CUL7: variants seen among roughly 807,000 people sequenced by gnomAD.
CUL7 encodes the protein cullin 7, also known as cullin-7.
A neutral mutation model predicts 177.7 loss-of-function variants in CUL7; 96 were observed. The ratio of observed to expected loss-of-function variants is 0.54; its 90% CI spans 0.46 to 0.64. The LOEUF is 0.64. CUL7 is among the 30% of genes least tolerant of loss of function. The pLI is 0.00. For synonymous variants in CUL7, 824 were observed against 890.2 expected (o/e 0.93, Z 1.32); for missense variants, 1,893 against 2,187.9 (o/e 0.87, Z 2.69).
At position 43,045,298 on chromosome 6, in the gene CUL7, G is replaced by A; in HGVS notation, c.2967C>T (p.Tyr989=). 1 of 1,614,238 alleles carries A rather than the reference G, an allele frequency of 6.2e-7. No homozygotes were observed. The highest frequency in any genetic ancestry group is 8.5e-7 in the Non-Finnish European group (1 of 1,180,044). Reference sequence around the variant, plus strand: ...GGCTCCAGGCCTGTGCCCGAACCATGTAGAAGAGGCGTGTGTGACGACAGA... The same window carrying A: ...GGCTCCAGGCCTGTGCCCGAACCATATAGAAGAGGCGTGTGTGACGACAGA... The part of the protein sequence containing the change: ...EQLCRHTRLF[Y]MVRAQAWSQD... Residue 989 remains tyrosine, a synonymous_variant, in exon 15 of 26, where the codon TAC becomes TAT. Coordinates refer to ENST00000265348, the MANE Select transcript of CUL7 (RefSeq NM_014780.5). This position sits in a 1 kb window ranked among gnomAD's most constrained non-coding sequence, Gnocchi z 4.8.
In CUL7 at chr6:43,045,929, G is replaced by C. The variant is rs1763860468; in HGVS notation, c.2766+57C>G. The C allele has an allele frequency of 1.4e-6, 2 of 1,399,260 alleles. No individual in the cohort carries two copies. The highest frequency in any genetic ancestry group is 2.3e-5 in the South Asian group (2 of 85,936). 86.7% of individuals were successfully genotyped at this position (1,399,260 alleles called of 1,614,324 possible). Reference sequence around the variant, plus strand: ...AAAAGTAGGATAGGGCCAGATAGAAGCAGGAGGGCAGATCCTGTGAGGGGT... The same window carrying C: ...AAAAGTAGGATAGGGCCAGATAGAACCAGGAGGGCAGATCCTGTGAGGGGT... On this transcript the variant is annotated intron_variant, in intron 13 of 25. Coordinates refer to ENST00000265348, the MANE Select transcript of CUL7 (RefSeq NM_014780.5). This position sits in a 1 kb window ranked among gnomAD's most constrained non-coding sequence, Gnocchi z 4.8.
At chr6:43,039,912 T>A (rs1387349427) in intron 22 of CUL7, among the ~76,000 whole-genome samples, 1 of 152,076 alleles carries the variant, frequency 6.6e-6, no homozygotes, top group African/African-American at 2.4e-5. Context: ...CTAATTTCTG[T>A]ATTTTTAGCA....
At position 43,045,271 on chromosome 6, in the gene CUL7, C is replaced by T; in HGVS notation, c.2994G>A (p.Gln998=). 1.2e-6 allele frequency: 2 copies of T among 1,614,210 alleles called. No homozygotes were observed. Among genetic ancestry groups the T allele is most frequent in the Non-Finnish European group, 8.5e-7 (1 of 1,180,038 alleles). ...GGCTCCTGCGGTCCTCTGCCATGTC[C>T]TGGCTCCAGGCCTGTGCCCGAACCA... ...FYMVRAQAWS[Q]DMAEDRRSLL... The change falls in exon 15 of 26, where the codon CAG becomes CAA. Residue 998 remains glutamine, a synonymous_variant. Transcript: ENST00000265348. This position sits in a 1 kb window ranked among gnomAD's most constrained non-coding sequence, Gnocchi z 4.8.
rs1436850873 is a variant in CUL7 at position 43,046,108 on chromosome 6, A to G, written c.2661-17T>C. ...GTCAGTTGCCTGGGAGTGGGGAGGA[A>G]AAACCATTTGGAACTTGTAGACAGG... On this transcript the variant is annotated splice_polypyrimidine_tract_variant and intron_variant, in intron 12 of 25. Coordinates refer to ENST00000265348, the MANE Select transcript of CUL7 (RefSeq NM_014780.5). 1 of 1,613,644 alleles carries G rather than the reference A, an allele frequency of 6.2e-7. No individual in the cohort carries two copies. The highest frequency in any genetic ancestry group is 1.3e-5 in the African/African-American group (1 of 74,922).
rs780553404 is a variant in CUL7, at chr6:43,037,749, C to T, written c.5036G>A (p.Arg1679His). Reference sequence around the variant, plus strand: ...GGAGGCATAGGGCACACCCCGGGAGCGAATCTGTAGGGTATGGAAGGTGAG... The same window carrying T: ...GGAGGCATAGGGCACACCCCGGGAGTGAATCTGTAGGGTATGGAAGGTGAG... Reference protein sequence around the residue: ...PPLTFHTLQIRSRGVPYASCT... With the variant: ...PPLTFHTLQIHSRGVPYASCT... Residue 1679 changes from arginine (R) to histidine (H), a missense_variant, in exon 26 of 26, where the codon CGC becomes CAC. Physicochemically the swap from Arg to His is conservative, Grantham distance 29. Transcript: ENST00000265348. The T allele has an allele frequency of 5.7e-6, 9 of 1,577,016 alleles. No homozygotes were observed. The highest frequency in any genetic ancestry group is 2.3e-5 in the South Asian group (2 of 86,368).
chr6:43,039,683 C>G (rs1221262276), intron 22 of CUL7, among the ~76,000 whole-genome samples: 1 of 151,686 alleles, frequency 6.6e-6, no homozygotes, highest in Non-Finnish European at 1.5e-5. Flanking sequence ...AAGACTATCT[C>G]TCCCTGAATC....
In CUL7 at chr6:43,040,377, T is replaced by C; in HGVS notation, c.4073A>G (p.Glu1358Gly). 1.9e-6 allele frequency: 3 copies of C among 1,613,450 alleles called. No individual in the cohort carries two copies. The highest frequency in any genetic ancestry group is 2.5e-6 in the Non-Finnish European group (3 of 1,180,024). Residue 1358 changes from glutamate to glycine, a missense_variant, in exon 22 of 26, where the codon GAA becomes GGA. Physicochemically the swap from Glu to Gly is moderately conservative, Grantham distance 98 (BLOSUM62 -2). Transcript: ENST00000265348. The surrounding 1 kb of genome is among the most constrained non-coding windows in gnomAD (Gnocchi z 4.2). ...ATCCACCACTGCTGCTGCCCCAGCT[T>C]CCTCTTCCTTCTCGCTCTTGTGCTC... ...GKEHKSEKEE[E>G]AGAAAVVDVA...
chr6:43,040,094 C>T lies in CUL7; in HGVS notation c.4294+62G>A. ...CAACATCAGGGTCTGCCCCCAACCC[C>T]AGGTCCTTTCCTAGCAGCCCACCCT... On this transcript the variant is annotated intron_variant, in intron 22 of 25. Coordinates refer to ENST00000265348, the MANE Select transcript of CUL7 (RefSeq NM_014780.5). The surrounding 1 kb of genome is among the most constrained non-coding windows in gnomAD (Gnocchi z 4.2). 1.2e-6 allele frequency: 2 copies of T among 1,603,548 alleles called. No homozygotes were observed. The highest frequency in any genetic ancestry group is 2.2e-5 in the East Asian group (1 of 44,828).
At position 43,040,862 on chromosome 6, in the gene CUL7, T is replaced by G; in HGVS notation, c.3806+53A>C. On this transcript the variant is annotated intron_variant, in intron 20 of 25. Coordinates refer to ENST00000265348, the MANE Select transcript of CUL7 (RefSeq NM_014780.5). The surrounding 1 kb of genome is among the most constrained non-coding windows in gnomAD (Gnocchi z 4.2). Reference sequence around the variant, plus strand: ...GACTTCCAGGCCCATGAGCTGGCTCTGCCACCATCATCCTGCCTCCCGCCA... The same window carrying G: ...GACTTCCAGGCCCATGAGCTGGCTCGGCCACCATCATCCTGCCTCCCGCCA... 1 of 1,606,024 alleles carries G rather than the reference T, an allele frequency of 6.2e-7. No homozygotes were observed. The highest frequency in any genetic ancestry group is 2.2e-5 in the East Asian group (1 of 44,786).
chr6:43,051,483 C>T lies in CUL7; in HGVS notation c.733-15G>A. The T allele has an allele frequency of 1.2e-6, 2 of 1,614,088 alleles. No individual in the cohort carries two copies. The highest frequency in any genetic ancestry group is 1.1e-5 in the South Asian group (1 of 91,040). The stretch of plus-strand genomic sequence containing the variant: ...CTTCCTGGGACCTGTGGGATACAAC[C>T]TTTGGCCTATATCCACCTTGTCCCA... On this transcript the variant is annotated splice_polypyrimidine_tract_variant and intron_variant, in intron 3 of 25. Transcript: ENST00000265348. This position sits in a 1 kb window ranked among gnomAD's most constrained non-coding sequence, Gnocchi z 5.0.
rs1441245418 is a variant in CUL7, at chr6:43,051,464, G to A, written c.737C>T (p.Pro246Leu). 1.2e-6 allele frequency: 2 copies of A among 1,613,854 alleles called. No individual in the cohort carries two copies. Among genetic ancestry groups the A allele is most frequent in the African/African-American group, 1.3e-5 (1 of 74,914 alleles). The change falls in exon 4 of 26, where the codon CCA (proline) becomes CTA (leucine). Residue 246 changes from proline (P) to leucine (L), a missense_variant. Pro to Leu is a moderately conservative substitution (Grantham distance 98). Transcript: ENST00000265348. The surrounding 1 kb of genome is among the most constrained non-coding windows in gnomAD (Gnocchi z 5.0). ...CACCAGGGAGAAGAGCACCCTTCCT[G>A]GGACCTGTGGGATACAACCTTTGGC... Reference protein sequence around the residue: ...SFEGIQLPQVPGRVLFSLVKR... With the variant: ...SFEGIQLPQVLGRVLFSLVKR...
rs769724772 is a variant in CUL7 at position 43,043,013 on chromosome 6, C to T, written c.3463-29G>A. ...GAAGGAAGGGGCAGGAGCATGAAGA[C>T]ACAACCCAACATGCCACCATTATGG... On this transcript the variant is annotated intron_variant, in intron 18 of 25. Coordinates refer to ENST00000265348, the MANE Select transcript of CUL7 (RefSeq NM_014780.5). The surrounding 1 kb of genome is among the most constrained non-coding windows in gnomAD (Gnocchi z 4.2). 6 of 1,613,912 alleles carry T rather than the reference C, an allele frequency of 3.7e-6. No individual in the cohort carries two copies. Among genetic ancestry groups the T allele is most frequent in the East Asian group, 4.5e-5 (2 of 44,878 alleles).
rs747241523 is a variant in CUL7, at chr6:43,050,097, C to T, written c.1435G>A (p.Glu479Lys). The change falls in exon 6 of 26, where the codon GAG becomes AAG. Residue 479 changes from glutamate (E) to lysine (K), a missense_variant. By Grantham distance (56) the Glu-to-Lys change is moderately conservative. Transcript: ENST00000265348. This position sits in a 1 kb window ranked among gnomAD's most constrained non-coding sequence, Gnocchi z 4.1. ...TCACACTCCTCAGTGTCCTCATCCTCAGGCAGCACATAAGGCACAGCATAG... is the reference window on the plus strand; with the variant it reads ...TCACACTCCTCAGTGTCCTCATCCTTAGGCAGCACATAAGGCACAGCATAG... The part of the protein sequence containing the change: ...ELYAVPYVLP[E>K]DEDTEECEHL... 1.5e-5 allele frequency: 25 copies of T among 1,614,228 alleles called. No individual in the cohort carries two copies. The highest frequency in any genetic ancestry group is 2.1e-5 in the Non-Finnish European group (25 of 1,180,036).
rs781218183 is a variant in CUL7, at chr6:43,052,632, C to T, written c.157G>A (p.Gly53Arg). 1.9e-5 allele frequency: 31 copies of T among 1,614,250 alleles called. No individual in the cohort carries two copies. Among genetic ancestry groups the T allele is most frequent in the Non-Finnish European group, 2.6e-5 (31 of 1,180,046 alleles). ...LILRRGDEGD[G>R]GSGQVDCKAE... ...TTGCAGTCCACTTGGCCAGAGCCCC[C>T]GTCCCCCTCATCGCCACGCCGCAGG... Residue 53 changes from glycine to arginine, a missense_variant, in exon 2 of 26, where the codon GGG (glycine) becomes AGG (arginine). Physicochemically the swap from Gly to Arg is moderately radical, Grantham distance 125 (BLOSUM62 -2). Transcript: ENST00000265348. This position sits in a 1 kb window ranked among gnomAD's most constrained non-coding sequence, Gnocchi z 4.5.
Position 43,053,334 on chromosome 6 carries a change from G to A in CUL7, c.-9+288C>T, listed in dbSNP as rs1178073522. On this transcript the variant is annotated intron_variant, in intron 1 of 25. Coordinates refer to ENST00000265348, the MANE Select transcript of CUL7 (RefSeq NM_014780.5). The surrounding 1 kb of genome is among the most constrained non-coding windows in gnomAD (Gnocchi z 4.1). ...CGCGATGGACTAGGAGGAGGCACTG[G>A]TGGGTTGGAGGCGCCTCCGACTGGA... Among the ~76,000 whole-genome samples the A allele has an allele frequency of 6.6e-6, 1 of 152,148 alleles. No homozygotes were observed. The highest frequency in any genetic ancestry group is 2.4e-5 in the African/African-American group (1 of 41,416).
At position 43,038,857 on chromosome 6, in the gene CUL7, A is replaced by G; in HGVS notation, c.4425T>C (p.Tyr1475=). ...VSTVQMWLLL[Y]LNDLKAVSVE... is the part of the protein sequence containing the mutation. ...GCTGGGCCACCTTCAGGTCGTTGAGATACAGCAGTAGCCACATCTGCACGG... is the reference window on the plus strand; with the variant it reads ...GCTGGGCCACCTTCAGGTCGTTGAGGTACAGCAGTAGCCACATCTGCACGG... The change falls in exon 23 of 26, where the codon TAT becomes TAC. Residue 1475 remains tyrosine (Y), a synonymous_variant. Coordinates refer to ENST00000265348, the MANE Select transcript of CUL7 (RefSeq NM_014780.5). 1.2e-6 allele frequency: 2 copies of G among 1,614,184 alleles called. No homozygotes were observed. The highest frequency in any genetic ancestry group is 1.7e-6 in the Non-Finnish European group (2 of 1,180,026).
In CUL7 at chr6:43,043,611, G is replaced by T. The variant is rs1046441259; in HGVS notation, c.3192C>A (p.Pro1064=). ...ITSPDEDGIS[P]LGWLLDQYLE... ...GGTACTGGTCCAGCAGCCAACCCAGGGGGCTAATGCCATCCTCATCTAGAG... is the reference window on the plus strand; with the variant it reads ...GGTACTGGTCCAGCAGCCAACCCAGTGGGCTAATGCCATCCTCATCTAGAG... The change falls in exon 17 of 26, where the codon CCC becomes CCA. Residue 1064 remains proline, a synonymous_variant. Transcript: ENST00000265348. This position sits in a 1 kb window ranked among gnomAD's most constrained non-coding sequence, Gnocchi z 4.2. 24 of 1,609,512 alleles carry T rather than the reference G, an allele frequency of 1.5e-5. No individual in the cohort carries two copies. Among genetic ancestry groups the T allele is most frequent in the Middle Eastern group, 1.6e-4 (1 of 6,078 alleles).
At chr6:43,049,877 T>C in intron 6 of CUL7, 86 bp downstream of exon 6, 2 of 1,446,448 alleles carry the variant, frequency 1.4e-6, no homozygotes, top group South Asian at 2.3e-5. Flanking sequence ...CCTCCACTTT[T>C]CATCCTGAGC....
chr6:43,052,014 T>C lies in CUL7; in HGVS notation c.580+195A>G, dbSNP rs1442635391. On this transcript the variant is annotated intron_variant, in intron 2 of 25. Transcript: ENST00000265348. The surrounding 1 kb of genome is among the most constrained non-coding windows in gnomAD (Gnocchi z 4.5). ...CTAATTAATATGAGGTTCTTGAAGATAGTCTTTCCTCTTTTGGCAGATAAC... is the reference window on the plus strand; with the variant it reads ...CTAATTAATATGAGGTTCTTGAAGACAGTCTTTCCTCTTTTGGCAGATAAC... 2.5e-5 allele frequency: 26 copies of C among 1,046,428 alleles called. No individual in the cohort carries two copies. The highest frequency in any genetic ancestry group is 1.8e-4 in the South Asian group (11 of 62,286). 64.8% of individuals were successfully genotyped at this position (1,046,428 alleles called of 1,614,324 possible).
Sources: allele counts gnomAD v4.1 joint callset (sites outside exome capture counted in the v4.1 genomes callset), GRCh38; gene constraint gnomAD v4.1.1; non-coding constraint Gnocchi (gnomAD v3.1); transcripts MANE v1.5; gene names NCBI Gene and HGNC (gene_info 2026-07-23, HGNC 2026-07-21).